Variants in SLC9A7 observed in about 807,000 individuals in gnomAD.
SLC9A7 encodes the protein solute carrier family 9 member A7.
SLC9A7 carries 19 observed loss-of-function variants against 52.6 expected under a neutral mutation model. That is an observed-to-expected ratio of 0.36 (90% CI 0.25 to 0.53). SLC9A7 has a LOEUF of 0.53. Ranked by LOEUF, SLC9A7 falls within the 20% of genes least tolerant of loss-of-function variation. The pLI, the probability that SLC9A7 is intolerant of heterozygous loss-of-function variation, is 0.91. For synonymous variants in SLC9A7, 226 were observed against 252.1 expected (o/e 0.90, Z 0.98); for missense variants, 455 against 597.9 (o/e 0.76, Z 2.49).
chrX:46,699,137 C>G (rs1350595468), intron 1 of SLC9A7, among the ~76,000 whole-genome samples: 1 of 112,040 alleles, frequency 8.9e-6, no homozygotes, highest in African/African-American at 3.2e-5. Flanking sequence ...GGAACAAGTT[C>G]ATGTGATTCA....
intron 3 of SLC9A7, among the ~76,000 whole-genome samples, chrX:46,675,070 T>G (rs1215526530): frequency 4.3e-5 from 2 of 46,031 alleles, no homozygotes; most frequent in African/African-American, 9.7e-4. Flanking sequence ...AATGTGTGTG[T>G]GTGTGTGTGT....
At chrX:46,729,307 T>A (rs1242151008) in intron 1 of SLC9A7, among the ~76,000 whole-genome samples, 3 of 112,494 alleles carry the variant, frequency 2.7e-5, no homozygotes, top group African/African-American at 9.7e-5. Context: ...GATACAATAA[T>A]AGATATTAGA....
At chrX:46,660,792 C>T (rs1446783893) in intron 7 of SLC9A7, among the ~76,000 whole-genome samples, 1 of 108,296 alleles carries the variant, frequency 9.2e-6, no homozygotes, top group Non-Finnish European at 1.9e-5. Context: ...ACTAGTTCAA[C>T]CATTGTGGAA....
chrX:46,614,118 G>A (rs1296857033), intron 15 of SLC9A7, among the ~76,000 whole-genome samples: 1 of 110,793 alleles, frequency 9.0e-6, no homozygotes, highest in African/African-American at 3.3e-5. Flanking sequence ...GTAGGATATT[G>A]AGCAGCATCC....
chrX:46,659,893 C>T (rs1410666723), intron 7 of SLC9A7, among the ~76,000 whole-genome samples: 1 of 103,916 alleles, frequency 9.6e-6, no homozygotes, highest in African/African-American at 3.6e-5. Flanking sequence ...CATACGGAAC[C>T]AAAAAAGAGC....
chrX:46,667,124 C>T lies in SLC9A7; in HGVS notation c.793+2483G>A, dbSNP rs764182808. Among the ~76,000 whole-genome samples the T allele has an allele frequency of 3.6e-5, 4 of 111,871 alleles. 1 individual carries two copies. The highest frequency in any genetic ancestry group is 5.6e-5 in the Non-Finnish European group (3 of 53,176). On this transcript the variant is annotated intron_variant, in intron 5 of 16. Transcript: ENST00000616978. ...TAGACAGGGTACACTCAGTGCCTTACACGTGTTGTTTCATTTCATCTTCAC... is the reference window on the plus strand; with the variant it reads ...TAGACAGGGTACACTCAGTGCCTTATACGTGTTGTTTCATTTCATCTTCAC...
At position 46,599,871 on chromosome X, in the gene SLC9A7, G is replaced by GGT. The variant is rs1442481838; in HGVS notation, c.*7079_*7080dup. 4.5e-5 allele frequency: 5 copies of GGT among 112,053 alleles called. No individual in the cohort carries two copies. The highest frequency in any genetic ancestry group is 1.6e-4 in the African/African-American group (5 of 30,843). 9.2% of individuals were successfully genotyped at this position (112,053 alleles called of 1,213,427 possible). On this transcript the variant is annotated 3_prime_UTR_variant, in exon 17 of 17. Transcript: ENST00000616978. ...GCTCTCTATAAAAAGTTCCCTAGAA[G>GGT]GTCACATCATTCCATGTTAAATTCG...
chrX:46,683,343 A>G (rs5906254), intron 1 of SLC9A7, among the ~76,000 whole-genome samples: 35,330 of 110,165 alleles, frequency 0.32, 4,447 homozygotes, highest in South Asian at 0.44. Flanking sequence ...GCTTTGCCAC[A>G]CATCAGAGGA....
At chrX:46,646,673 C>T (rs900677158) in intron 11 of SLC9A7, 18 of 276,681 alleles carry the variant, frequency 6.5e-5, no homozygotes, top group Non-Finnish European at 9.2e-5. Context: ...GAACTGCATG[C>T]GCCTGATGTG....
chrX:46,688,272 T>C (rs1180633390), intron 1 of SLC9A7, among the ~76,000 whole-genome samples: 3 of 111,654 alleles, frequency 2.7e-5, no homozygotes, highest in Admixed American at 1.9e-4. Flanking sequence ...AAAAATGTAT[T>C]GTTTTACATT....
At chrX:46,649,098 C>CTAT (rs1943542077) in intron 10 of SLC9A7, among the ~76,000 whole-genome samples, 4 of 111,143 alleles carry the variant, frequency 3.6e-5, no homozygotes, top group African/African-American at 9.9e-5. Flanking sequence ...ATCTATCTAT[C>CTAT]CATCTATCTA....
chrX:46,747,309 T>C (rs1168071103), intron 1 of SLC9A7, among the ~76,000 whole-genome samples: 4 of 111,945 alleles, frequency 3.6e-5, no homozygotes, highest in Non-Finnish European at 7.5e-5. Flanking sequence ...TTCTAGCATA[T>C]AGAAAAGACA....
chrX:46,644,169 G>A (rs1018021789), intron 11 of SLC9A7, among the ~76,000 whole-genome samples: 1 of 112,117 alleles, frequency 8.9e-6, no homozygotes, highest in Admixed American at 9.4e-5. Flanking sequence ...CTTAGCTCAC[G>A]GGCTATGTGA....
At chrX:46,748,419 A>AGGAAG (rs1569526642) in intron 1 of SLC9A7, among the ~76,000 whole-genome samples, 2 of 88,623 alleles carry the variant, frequency 2.3e-5, no homozygotes, top group African/African-American at 8.8e-5. Context: ...AAGGAAGGAC[A>AGGAAG]GACAGAAGGA....
chrX:46,674,634 G>A (rs1380195993), intron 3 of SLC9A7, among the ~76,000 whole-genome samples: 1 of 111,542 alleles, frequency 9.0e-6, no homozygotes, highest in Non-Finnish European at 1.9e-5. Flanking sequence ...CTCTCACTGC[G>A]CAAGCTGCCC....
At chrX:46,733,844 T>A (rs5952934) in intron 1 of SLC9A7, among the ~76,000 whole-genome samples, 2,241 of 111,424 alleles carry the variant, frequency 0.02, 51 homozygotes, top group African/African-American at 0.069. Flanking sequence ...ATCAAAACTT[T>A]CATGAAATAT....
At chrX:46,655,589 C>T (rs1029153904) in intron 7 of SLC9A7, among the ~76,000 whole-genome samples, 13 of 112,134 alleles carry the variant, frequency 1.2e-4, no homozygotes, top group Admixed American at 2.8e-4. Flanking sequence ...GTTCCCTTTC[C>T]TAGTCAAAGA....
At chrX:46,699,635 T>C (rs185927128) in intron 1 of SLC9A7, among the ~76,000 whole-genome samples, 1 of 111,250 alleles carries the variant, frequency 9.0e-6, no homozygotes, top group East Asian at 2.8e-4. Context: ...ACCTAAGCCA[T>C]ACTCTACTAG....
intron 1 of SLC9A7, among the ~76,000 whole-genome samples, chrX:46,728,253 T>C (rs1306091998): frequency 1.8e-5 from 2 of 111,601 alleles, no homozygotes; most frequent in African/African-American, 3.3e-5. Flanking sequence ...AAATATTGCA[T>C]ACTACTTATC....
Sources: gnomAD v4.1 joint callset for allele counts (sites outside exome capture counted in the v4.1 genomes callset) on GRCh38, gnomAD v4.1.1 for gene constraint, MANE v1.5 for transcripts, NCBI Gene and HGNC (gene_info 2026-07-23, HGNC 2026-07-21) for gene names.